RBFOX1: variants seen among roughly 807,000 people sequenced by gnomAD.
RBFOX1 encodes RNA binding fox-1 homolog 1.
Under a neutral mutation model 57.7 loss-of-function variants are expected in RBFOX1, and 8 were observed. The ratio of observed to expected loss-of-function variants is 0.14; its 90% CI spans 0.08 to 0.25. The LOEUF is 0.25. Ranked by LOEUF, RBFOX1 falls within the 10% of genes least tolerant of loss-of-function variation. The pLI is 1.00. For missense variants in RBFOX1, 611 were observed against 548.5 expected, an observed-to-expected ratio of 1.11 and a Z score of -1.14; for synonymous variants, 326 against 222.4, an observed-to-expected ratio of 1.47 and a Z score of -4.15.
chr16:6,497,244 G>A (rs931599040), intron 2 of RBFOX1, among the ~76,000 whole-genome samples: 36 of 152,206 alleles, frequency 2.4e-4, no homozygotes, highest in Admixed American at 2.0e-4. Context: ...GAAAGAGGAG[G>A]AGCTTGTGAG....
At chr16:5,386,385 G>A (rs1354395387) in intron 1 of RBFOX1, among the ~76,000 whole-genome samples, 1 of 152,120 alleles carries the variant, frequency 6.6e-6, no homozygotes, top group Non-Finnish European at 1.5e-5. Context: ...ACGGCCTCAG[G>A]TGATTAATGC....
intron 4 of RBFOX1, among the ~76,000 whole-genome samples, chr16:7,416,952 C>G (rs143361946): frequency 4.5e-4 from 69 of 152,230 alleles, no homozygotes; most frequent in Middle Eastern, 3.4e-3. Context: ...AGTAATGTGT[C>G]CAAGAACTCA....
intron 3 of RBFOX1, among the ~76,000 whole-genome samples, chr16:6,808,508 T>C (rs1268021686): frequency 6.6e-6 from 1 of 152,110 alleles, no homozygotes; most frequent in African/African-American, 2.4e-5. Context: ...AACAGCACCA[T>C]TACTCTCTGA....
At chr16:6,192,154 G>A (rs540622072) in intron 1 of RBFOX1, among the ~76,000 whole-genome samples, 5 of 151,846 alleles carry the variant, frequency 3.3e-5, no homozygotes, top group African/African-American at 1.2e-4. Flanking sequence ...CTTCCCCATC[G>A]CAATTTAGTT....
rs111372045 is a variant in RBFOX1 at position 5,584,355 on chromosome 16, C to T, written c.259-14547C>T. Among the ~76,000 whole-genome samples, 262 of 152,272 alleles carry T rather than the reference C, an allele frequency of 1.7e-3. 1 individual carries two copies. The highest frequency in any genetic ancestry group is 5.7e-3 in the African/African-American group (237 of 41,550). ...TCAGCATCTTGAGCCAGAAATATGT[C>T]GGAGTTTCATCTTGCATCACTAATG... On this transcript the variant is annotated intron_variant, in intron 2 of 2. Coordinates refer to the RBFOX1 transcript ENST00000585867.
chr16:5,512,311 C>T (rs2043623182), intron 2 of RBFOX1, among the ~76,000 whole-genome samples: 1 of 152,150 alleles, frequency 6.6e-6, no homozygotes, highest in Non-Finnish European at 1.5e-5. Context: ...GGAAGACCAG[C>T]CTTCTCCATA....
rs138610622 is a variant in RBFOX1 at position 6,691,147 on chromosome 16, C to A, written c.-16+36497C>A. ...TACAGAGTCCTGGAAAGAAATCTCC[C>A]AACCATGTCTTTTGTATCAAAAAGT... On this transcript the variant is annotated intron_variant, in intron 3 of 15. Transcript: ENST00000550418. Among the ~76,000 whole-genome samples, 41 of 152,206 alleles carry A rather than the reference C, an allele frequency of 2.7e-4. No individual in the cohort carries two copies. The East Asian group carries it at 7.7e-3, about 29-fold the overall frequency.
chr16:6,252,921 T>TAA (rs2097630754), intron 1 of RBFOX1, among the ~76,000 whole-genome samples: 1 of 152,142 alleles, frequency 6.6e-6, no homozygotes, highest in Non-Finnish European at 1.5e-5. Context: ...AACAATGTAT[T>TAA]GTGTGCTTAC....
intron 3 of RBFOX1, among the ~76,000 whole-genome samples, chr16:6,811,418 T>G (rs1009574967): frequency 4.2e-4 from 64 of 152,372 alleles, no homozygotes; most frequent in African/African-American, 1.5e-3. Flanking sequence ...TTTTAATGTT[T>G]CATTGGCTAT....
At chr16:5,638,958 C>A (rs999447045) in intron 3 of RBFOX1, among the ~76,000 whole-genome samples, 3 of 152,162 alleles carry the variant, frequency 2.0e-5, no homozygotes, top group African/African-American at 7.2e-5. Flanking sequence ...ACAGAAATGC[C>A]ATTCTCTCCT....
intron 4 of RBFOX1, among the ~76,000 whole-genome samples, chr16:7,102,269 A>G (rs895335062): frequency 3.3e-5 from 5 of 152,208 alleles, no homozygotes; most frequent in Non-Finnish European, 7.3e-5. Flanking sequence ...ACCTTTGTAT[A>G]GGAACTCCAT....
intron 3 of RBFOX1, among the ~76,000 whole-genome samples, chr16:5,765,855 G>T (rs890769628): frequency 2.0e-5 from 3 of 152,196 alleles, no homozygotes; most frequent in Admixed American, 1.3e-4. Flanking sequence ...TGGGAGTGTG[G>T]AAGGATTCCT....
intron 3 of RBFOX1, among the ~76,000 whole-genome samples, chr16:6,895,025 C>T (rs1018616889): frequency 1.3e-5 from 2 of 152,114 alleles, no homozygotes; most frequent in Non-Finnish European, 2.9e-5. Context: ...TCTAGTTCAT[C>T]CTTCTTACCA....
At chr16:6,584,165 C>G (rs952587102) in intron 2 of RBFOX1, among the ~76,000 whole-genome samples, 2 of 151,806 alleles carry the variant, frequency 1.3e-5, no homozygotes, top group African/African-American at 2.4e-5. Flanking sequence ...AGCATTGTCC[C>G]TGCTGTAATT....
In RBFOX1 at chr16:6,911,426, G is replaced by T. The variant is rs192076989; in HGVS notation, c.-15-140631G>T. The stretch of plus-strand genomic sequence containing the variant: ...TCCATGCCCCTCCCTGTGGTTGCTG[G>T]CAACGCATGGTGCTGCTTGGGTTTT... On this transcript the variant is annotated intron_variant, in intron 3 of 15. Transcript: ENST00000550418. 2.6e-3 allele frequency among the ~76,000 whole-genome samples: 392 copies of T among 152,238 alleles called. 2 individuals carry two copies. Among genetic ancestry groups the T allele is most frequent in the African/African-American group, 9.0e-3 (373 of 41,544 alleles).
intron 3 of RBFOX1, among the ~76,000 whole-genome samples, chr16:5,857,793 A>G (rs1471619188): frequency 2.0e-5 from 3 of 151,904 alleles, no homozygotes; most frequent in Non-Finnish European, 4.4e-5. Context: ...GAACTGCACA[A>G]AACTTAGCCA....
At chr16:6,166,418 A>G (rs1435860896) in intron 1 of RBFOX1, among the ~76,000 whole-genome samples, 10 of 152,056 alleles carry the variant, frequency 6.6e-5, no homozygotes, top group African/African-American at 2.4e-4. Flanking sequence ...TTGGGGGGGA[A>G]TGAAAATAAG....
chr16:7,311,283 T>A (rs2096300448), intron 4 of RBFOX1, among the ~76,000 whole-genome samples: 1 of 152,038 alleles, frequency 6.6e-6, no homozygotes, highest in Non-Finnish European at 1.5e-5. Flanking sequence ...TGAAACAGAA[T>A]CAAAATTAGG....
At chr16:5,255,456 C>T (rs1313593914) in intron 1 of RBFOX1, among the ~76,000 whole-genome samples, 1 of 151,670 alleles carries the variant, frequency 6.6e-6, no homozygotes, top group Non-Finnish European at 1.5e-5. Context: ...AATCCACTCT[C>T]TTGTGCACCC....
Sources: allele counts gnomAD v4.1 joint callset (sites outside exome capture counted in the v4.1 genomes callset), GRCh38; gene constraint gnomAD v4.1.1; transcripts MANE v1.5; gene names NCBI Gene and HGNC (gene_info 2026-07-23, HGNC 2026-07-21).